RANBP2: variants seen among roughly 807,000 people sequenced by gnomAD.
The protein encoded by RANBP2 is RAN binding protein 2.
RANBP2 carries 57 observed loss-of-function variants against 303.6 expected under a neutral mutation model. The ratio of observed to expected loss-of-function variants is 0.19; its 90% confidence interval spans 0.15 to 0.23. The LOEUF (loss-of-function observed/expected upper bound fraction) is 0.23. Ranked by LOEUF, RANBP2 falls within the 10% of genes least tolerant of loss-of-function variation. The probability of loss-of-function intolerance (pLI) is 1.00; values close to 1 mark genes in which losing one functional copy is unlikely to be tolerated. For synonymous variants in RANBP2, 1,167 were observed against 1,301.5 expected (o/e 0.90, Z 2.23); for missense variants, 3,138 against 3,780.8 (o/e 0.83, Z 4.46).
the RANBP2 span, among the ~76,000 whole-genome samples, chr2:108,963,493 C>T: frequency 6.6e-6 from 1 of 152,138 alleles, no homozygotes; most frequent in Non-Finnish European, 1.5e-5. Flanking sequence ...AGAGAGATCC[C>T]ATGTCCCCGT....
the RANBP2 span, among the ~76,000 whole-genome samples, chr2:109,462,157 A>C: frequency 3.0e-4 from 45 of 150,066 alleles, no homozygotes; most frequent in Non-Finnish European, 3.4e-4. Flanking sequence ...TCCAGTCAGC[A>C]CAAGGCCATC....
the RANBP2 span, among the ~76,000 whole-genome samples, chr2:109,323,775 T>C: frequency 1.3e-5 from 2 of 152,234 alleles, no homozygotes; most frequent in African/African-American, 2.4e-5. Flanking sequence ...GTTTTATAGA[T>C]GTTAATTATT....
the RANBP2 span, among the ~76,000 whole-genome samples, chr2:109,508,042 G>T: frequency 1.3e-5 from 2 of 152,146 alleles, no homozygotes; most frequent in Non-Finnish European, 2.9e-5. Flanking sequence ...TGTGGGTATT[G>T]CTGGGCTCTG....
At chr2:109,542,904 C>CAT in the RANBP2 span, 14 of 152,538 alleles carry the variant, frequency 9.2e-5, no homozygotes, top group Admixed American at 1.3e-4. Context: ...TAAAATACCT[C>CAT]ATCTCCAAAA....
chr2:109,222,700 C>T, the RANBP2 span, among the ~76,000 whole-genome samples: 2 of 152,260 alleles, frequency 1.3e-5, no homozygotes, highest in African/African-American at 4.8e-5. Flanking sequence ...CTCCCTAAAA[C>T]CCTGGGATGG....
the RANBP2 span, among the ~76,000 whole-genome samples, chr2:108,917,714 G>A: frequency 1.3e-5 from 2 of 152,026 alleles, no homozygotes; most frequent in Non-Finnish European, 2.9e-5. Context: ...TGAGGGTGAG[G>A]TCAGCCCCCC....
Position 108,764,711 on chromosome 2 carries a change from C to A in RANBP2, c.4172C>A (p.Ala1391Asp). The A allele has an allele frequency of 4.3e-6, 7 of 1,613,966 alleles. No homozygotes were observed. The highest frequency in any genetic ancestry group is 5.9e-6 in the Non-Finnish European group (7 of 1,179,962). The change falls in exon 20 of 29, where the codon GCT (alanine) becomes GAT (aspartate). Residue 1391 changes from alanine (A) to aspartate (D), a missense_variant. Coordinates refer to ENST00000283195, the MANE Select transcript of RANBP2 (RefSeq NM_006267.5). Reference sequence around the variant, plus strand: ...AAAGAGCTCGTTGGCCCACCATTAGCTGAAACTGTTTTTACTCCTAAAACC... The same window carrying A: ...AAAGAGCTCGTTGGCCCACCATTAGATGAAACTGTTTTTACTCCTAAAACC... The part of the protein sequence containing the change: ...SNKELVGPPL[A>D]ETVFTPKTSP...
chr2:109,223,690 A>T, the RANBP2 span, among the ~76,000 whole-genome samples: 1 of 152,110 alleles, frequency 6.6e-6, no homozygotes, highest in South Asian at 2.1e-4. Context: ...CCCCCACGTG[A>T]TGCTGCCCCA....
the RANBP2 span, chr2:109,568,024 TAATCCTGCAGCTG>T: frequency 1.5e-6 from 2 of 1,364,466 alleles, no homozygotes; most frequent in Non-Finnish European, 1.0e-6. Flanking sequence ...TTTTTTTTTT[TAATCCTGCAGCTG>T]TTTTTTCACT....
chr2:109,002,183 G>A, the RANBP2 span, among the ~76,000 whole-genome samples: 3 of 152,222 alleles, frequency 2.0e-5, no homozygotes, highest in East Asian at 5.8e-4. Flanking sequence ...ATGCTTCCAA[G>A]AGGCCGACCA....
chr2:109,129,406 T>C, the RANBP2 span: 1 of 1,423,372 alleles, frequency 7.0e-7, no homozygotes. Flanking sequence ...AGCCCTAGCA[T>C]CGGGCCACCA....
intron 1 of RANBP2, 81 bp downstream of exon 1, chr2:108,719,759 CG>C: frequency 1.3e-6 from 2 of 1,541,554 alleles, no homozygotes; most frequent in East Asian, 4.9e-5. Flanking sequence ...TGGCTCCCGA[CG>C]GGCGCTGCTC....
the RANBP2 span, among the ~76,000 whole-genome samples, chr2:108,858,478 G>T: frequency 6.6e-6 from 1 of 152,150 alleles, no homozygotes; most frequent in Admixed American, 6.5e-5. Context: ...TGGAAGTTTG[G>T]AAATGGGTGA....
the RANBP2 span, among the ~76,000 whole-genome samples, chr2:108,946,709 TCAAA>T: frequency 1.3e-5 from 2 of 152,006 alleles, no homozygotes; most frequent in Non-Finnish European, 2.9e-5. Context: ...CAGATACATA[TCAAA>T]CAACCAGATC....
chr2:108,924,907 G>C, the RANBP2 span, among the ~76,000 whole-genome samples: 1 of 152,230 alleles, frequency 6.6e-6, no homozygotes, highest in South Asian at 2.1e-4. Context: ...GCCAGACCAG[G>C]TCAACCTGCA....
chr2:109,495,014 C>T, the RANBP2 span, among the ~76,000 whole-genome samples: 5 of 151,916 alleles, frequency 3.3e-5, no homozygotes, highest in Non-Finnish European at 2.9e-5. Flanking sequence ...GCCCCAGCAG[C>T]TGGCAGGCAG....
chr2:109,501,609 G>A, the RANBP2 span: 1 of 779,246 alleles, frequency 1.3e-6, no homozygotes, highest in Non-Finnish European at 2.4e-6. Context: ...CTGGTACAAG[G>A]GGACCCTGCA....
intron 25 of RANBP2, among the ~76,000 whole-genome samples, chr2:108,778,412 T>G (rs187236288): frequency 7.2e-5 from 11 of 152,338 alleles, no homozygotes. Context: ...TTTGTTTGTA[T>G]CCACAGGTTT....
the RANBP2 span, among the ~76,000 whole-genome samples, chr2:108,867,127 G>A: frequency 1.3e-5 from 2 of 151,972 alleles, no homozygotes; most frequent in African/African-American, 2.4e-5. Context: ...TTATATATAT[G>A]TATAATTTAT....
Sources: gnomAD v4.1 joint callset for allele counts (sites outside exome capture counted in the v4.1 genomes callset) on GRCh38, gnomAD v4.1.1 for gene constraint, MANE v1.5 for transcripts, NCBI Gene and HGNC (gene_info 2026-07-23, HGNC 2026-07-21) for gene names.